Variants in GLDC observed in about 807,000 individuals in gnomAD.
GLDC encodes glycine dehydrogenase (decarboxylating), mitochondrial.
Under a neutral mutation model 121.3 loss-of-function variants are expected in GLDC, and 104 were observed. That is an observed-to-expected ratio of 0.86 (90% confidence interval 0.73 to 1.01). The LOEUF (loss-of-function observed/expected upper bound fraction) is 1.01, where lower values mean the gene tolerates loss of function less well. Ranked by LOEUF, GLDC falls within the 50% of genes least tolerant of loss-of-function variation. The probability of loss-of-function intolerance (pLI) is 0.00; values close to 1 mark genes in which losing one functional copy is unlikely to be tolerated. For synonymous variants in GLDC, 546 were observed against 480.6 expected (o/e 1.14, Z -1.78); for missense variants, 1,429 against 1,306.6 (o/e 1.09, Z -1.44).
At chr9:6,577,713 G>T (rs1818095091) in intron 15 of GLDC, among the ~76,000 whole-genome samples, 2 of 151,398 alleles carry the variant, frequency 1.3e-5, no homozygotes, top group African/African-American at 2.4e-5. Context: ...ACACACACAC[G>T]CAGTTTTACG....
At chr9:6,629,244 G>A (rs1391784925) in intron 2 of GLDC, among the ~76,000 whole-genome samples, 1 of 149,034 alleles carries the variant, frequency 6.7e-6, no homozygotes, top group East Asian at 2.0e-4. Context: ...TTGAGATGGA[G>A]TCTTCTGTTG....
intron 3 of GLDC, among the ~76,000 whole-genome samples, chr9:6,617,693 T>C (rs1309171686): frequency 1.3e-5 from 2 of 152,196 alleles, no homozygotes; most frequent in African/African-American, 4.8e-5. Flanking sequence ...ACTGGAATGA[T>C]TGTGCTGAGA....
intron 2 of GLDC, among the ~76,000 whole-genome samples, chr9:6,638,371 C>T (rs528406263): frequency 5.9e-5 from 9 of 152,160 alleles, no homozygotes; most frequent in African/African-American, 1.9e-4. Context: ...TGCGCCACCA[C>T]GCCCAGGTAA....
At chr9:6,605,667 T>A (rs1466406584) in intron 5 of GLDC, among the ~76,000 whole-genome samples, 1 of 152,210 alleles carries the variant, frequency 6.6e-6, no homozygotes, top group Non-Finnish European at 1.5e-5. Flanking sequence ...AGGAAGAACT[T>A]CCTTAGATTC....
At chr9:6,554,027 C>T (rs564549275) in intron 19 of GLDC, among the ~76,000 whole-genome samples, 19 of 152,182 alleles carry the variant, frequency 1.2e-4, no homozygotes, top group Non-Finnish European at 2.5e-4. Flanking sequence ...AGTAAGAAGG[C>T]CAAGCTTCCA....
At chr9:6,594,747 G>A (rs1587952566) in intron 9 of GLDC, among the ~76,000 whole-genome samples, 1 of 148,896 alleles carries the variant, frequency 6.7e-6, no homozygotes, top group Non-Finnish European at 1.5e-5. Flanking sequence ...AAGAAAGCAA[G>A]CAAGCAAGAA....
rs370263363 is a variant in GLDC, at chr9:6,640,631, G to A, written c.334+3983C>T. Among the ~76,000 whole-genome samples the A allele has an allele frequency of 4.6e-5, 7 of 152,202 alleles. No homozygotes were observed. The East Asian group carries it at 7.7e-4, about 17-fold the overall frequency. On this transcript the variant is annotated intron_variant, in intron 2 of 24. Coordinates refer to ENST00000321612, the MANE Select transcript of GLDC (RefSeq NM_000170.3). The stretch of plus-strand genomic sequence containing the variant: ...AGTTGAATAATGTGAACATTGGAGG[G>A]TTTAGTTTCTCCTCTCTCTTCCACA...
intron 15 of GLDC, among the ~76,000 whole-genome samples, chr9:6,580,451 T>C (rs959275993): frequency 1.3e-5 from 2 of 152,132 alleles, no homozygotes; most frequent in Non-Finnish European, 2.9e-5. Context: ...ATGCCAGAAC[T>C]TCTTCAGAAG....
rs560335288 is a variant in GLDC, at chr9:6,554,882, A to G, written c.2203-101T>C. 17 of 824,328 alleles carry G rather than the reference A, an allele frequency of 2.1e-5. No homozygotes were observed. In the African/African-American group the frequency reaches 2.7e-4, roughly 13 times the overall value. The allele number at this position is 824,328 out of a possible 1,614,324, so 51.1% of individuals were successfully genotyped here. On this transcript the variant is annotated intron_variant, in intron 18 of 24. Transcript: ENST00000321612. ...CGGTGCTGCCTTCTCCCCTCAGAGG[A>G]AAAGCAGGCAGAGCCACATCCATGG...
chr9:6,539,051 TTC>T (rs1817197449), intron 22 of GLDC, among the ~76,000 whole-genome samples: 1 of 151,676 alleles, frequency 6.6e-6, no homozygotes, highest in Admixed American at 6.6e-5. Flanking sequence ...AAAGATTTTT[TTC>T]TTTTTTTCCA....
At chr9:6,639,659 T>TAAAAAA (rs202066422) in intron 2 of GLDC, 29 of 269,112 alleles carry the variant, frequency 1.1e-4, no homozygotes, top group Middle Eastern at 1.1e-3. Flanking sequence ...CTTTTCACCA[T>TAAAAAA]AAAAAAAAAG....
At chr9:6,611,498 G>A (rs571287507) in intron 3 of GLDC, among the ~76,000 whole-genome samples, 140 of 151,396 alleles carry the variant, frequency 9.2e-4, no homozygotes, top group African/African-American at 3.2e-3. Flanking sequence ...GGAGGTTGCA[G>A]TGAGCTGAGA....
At chr9:6,549,039 T>C (rs1817454563) in intron 21 of GLDC, among the ~76,000 whole-genome samples, 1 of 152,192 alleles carries the variant, frequency 6.6e-6, no homozygotes, top group Non-Finnish European at 1.5e-5. Context: ...GCCTCACCAT[T>C]GTGCCCAAAC....
In GLDC at chr9:6,562,796, G is replaced by C. The variant is rs141474413; in HGVS notation, c.1926+2558C>G. ...GGCTGGTCTTGAACTCCTGACCTTAGGTGATCTGCCTGCCTTAGCCTCCCA... is the reference window on the plus strand; with the variant it reads ...GGCTGGTCTTGAACTCCTGACCTTACGTGATCTGCCTGCCTTAGCCTCCCA... On this transcript the variant is annotated intron_variant, in intron 16 of 24. Transcript: ENST00000321612. Among the ~76,000 whole-genome samples, 382 of 151,952 alleles carry C rather than the reference G, an allele frequency of 2.5e-3. 2 individuals carry two copies. In the Middle Eastern group the frequency reaches 0.031, roughly 12 times the overall value.
chr9:6,586,729 C>T (rs957620896), intron 15 of GLDC, among the ~76,000 whole-genome samples: 2 of 152,138 alleles, frequency 1.3e-5, no homozygotes, highest in Admixed American at 6.5e-5. Context: ...GGGCTCGCCT[C>T]GTGACTTGCT....
chr9:6,619,885 A>T (rs989743697), intron 3 of GLDC, among the ~76,000 whole-genome samples: 37 of 152,230 alleles, frequency 2.4e-4, no homozygotes, highest in African/African-American at 8.4e-4. Context: ...CAGGTTTCAC[A>T]TCTTACTCAA....
chr9:6,536,319 T>A (rs1419310250), intron 22 of GLDC, 83 bp from the exon 23 acceptor site: 2 of 1,118,930 alleles, frequency 1.8e-6, no homozygotes, highest in Admixed American at 3.9e-5. Context: ...TCCCTTCTTA[T>A]ATTTTATCCT....
intron 8 of GLDC, among the ~76,000 whole-genome samples, chr9:6,599,913 C>T (rs373720051): frequency 7.2e-5 from 11 of 152,172 alleles, no homozygotes; most frequent in Non-Finnish European, 1.3e-4. Context: ...TCCAAAGACC[C>T]GTGGCTGCAG....
intron 24 of GLDC, among the ~76,000 whole-genome samples, chr9:6,534,446 G>GA (rs1316609774): frequency 6.6e-6 from 1 of 150,798 alleles, no homozygotes; most frequent in Non-Finnish European, 1.5e-5. Context: ...ACAGTGGAGG[G>GA]AAACACATTG....
Sources: gnomAD v4.1 joint callset for allele counts (sites outside exome capture counted in the v4.1 genomes callset) on GRCh38, gnomAD v4.1.1 for gene constraint, MANE v1.5 for transcripts, NCBI Gene and HGNC (gene_info 2026-07-23, HGNC 2026-07-21) for gene names.